The following MYH11 variants were observed in gnomAD, a reference collection of about 807,000 sequenced individuals.
MYH11 encodes myosin-11.
Under a neutral mutation model 246.6 loss-of-function variants are expected in MYH11, and 80 were observed. That is an observed-to-expected ratio of 0.32 (90% CI 0.27 to 0.39). The LOEUF is 0.39. MYH11 is among the 10% of genes least tolerant of loss of function. The probability of loss-of-function intolerance (pLI) is 1.00; values close to 1 mark genes in which losing one functional copy is unlikely to be tolerated. For synonymous variants in MYH11, 1,071 were observed against 1,015.5 expected (o/e 1.05, Z -1.04); for missense variants, 2,158 against 2,546.8 (o/e 0.85, Z 3.29).
chr16:15,853,895 G>T (rs776673106), intron 1 of MYH11, among the ~76,000 whole-genome samples: 83 of 152,038 alleles, frequency 5.5e-4, no homozygotes, highest in Non-Finnish European at 1.0e-3. Flanking sequence ...ATGGTGGTGG[G>T]CGCCTATAAA....
chr16:15,740,052 T>C lies in MYH11; in HGVS notation c.2996A>G (p.Lys999Arg), dbSNP rs894429587. Residue 999 changes from lysine to arginine, a missense_variant and splice_region_variant, in exon 23 of 41, where the codon AAA (lysine) becomes AGA (arginine). By Grantham distance (26) the Lys-to-Arg change is conservative. Around this residue, in one of 11 missense-constraint regions of MYH11, gnomAD observed 284 missense variants for 315.4 expected, o/e 0.90. Transcript: ENST00000300036. Reference protein sequence around the residue: ...VMDDQNNKLSKERKLLEERIS... With the variant: ...VMDDQNNKLSRERKLLEERIS... The stretch of plus-strand genomic sequence containing the variant: ...CCACTGCACCCGGCCCCTACTCACT[T>C]TTGATAGTTTATTGTTCTGATCATC... 1.9e-6 allele frequency: 3 copies of C among 1,613,910 alleles called. No homozygotes were observed. Among genetic ancestry groups the C allele is most frequent in the Non-Finnish European group, 1.7e-6 (2 of 1,179,898 alleles).
At chr16:15,791,509 A>G (rs1023975180) in intron 4 of MYH11, 1 of 152,220 alleles carries the variant, frequency 6.6e-6, no homozygotes, top group South Asian at 2.1e-4. Context: ...TATAGCATCA[A>G]TTGGCAGAAT....
intron 36 of MYH11, chr16:15,718,774 CCT>C (rs1045361907): frequency 3.8e-5 from 17 of 445,810 alleles, no homozygotes; most frequent in African/African-American, 3.4e-4. Context: ...TGACGGAAAA[CCT>C]AACCACCATG....
intron 4 of MYH11, among the ~76,000 whole-genome samples, chr16:15,797,858 CT>C (rs2042782193): frequency 6.6e-6 from 1 of 151,902 alleles, no homozygotes. Context: ...TTAGTGCCAC[CT>C]TTTTTTGTAT....
At chr16:15,753,760 C>A (rs1343678317) in intron 14 of MYH11, among the ~76,000 whole-genome samples, 3 of 152,168 alleles carry the variant, frequency 2.0e-5, no homozygotes, top group African/African-American at 7.2e-5. Context: ...TCCATATTCT[C>A]CTACTAACGC....
chr16:15,747,521 T>C (rs1013121753), intron 19 of MYH11, 49 bp downstream of exon 19: 2 of 1,611,830 alleles, frequency 1.2e-6, no homozygotes, highest in South Asian at 1.1e-5. Flanking sequence ...GAAAGGCCCC[T>C]GTTTGTGATT....
At position 15,760,678 on chromosome 16, in the gene MYH11, A is replaced by G. The variant is rs2041848189; in HGVS notation, c.1130-20T>C. On this transcript the variant is annotated intron_variant, in intron 10 of 40. Coordinates refer to ENST00000300036, the MANE Select transcript of MYH11 (RefSeq NM_002474.3). ...GAGCAGCTGGATGGAGAAAAGAAAC[A>G]TCGTGAGTGCATCACAAAAGAAATA... is the stretch of plus-strand genomic sequence containing the variant. The G allele has an allele frequency of 6.8e-7, 1 of 1,466,414 alleles. No homozygotes were observed. 90.8% of individuals were successfully genotyped at this position (1,466,414 alleles called of 1,614,324 possible). A position where few individuals can be genotyped will look rare whatever the true frequency, so the allele number is the denominator to read the frequency against.
chr16:15,794,733 C>T, intron 4 of MYH11, among the ~76,000 whole-genome samples: 1 of 152,070 alleles, frequency 6.6e-6, no homozygotes, highest in African/African-American at 2.4e-5. Context: ...TACAAGAGAG[C>T]CCTGTGGGAA....
At chr16:15,803,012 C>T (rs1306071687) in intron 3 of MYH11, among the ~76,000 whole-genome samples, 1 of 151,882 alleles carries the variant, frequency 6.6e-6, no homozygotes, top group Non-Finnish European at 1.5e-5. Context: ...CGGCAGGCAC[C>T]TGTAGTCCCA....
chr16:15,731,328 C>A (rs986006028), intron 27 of MYH11, among the ~76,000 whole-genome samples: 2 of 152,118 alleles, frequency 1.3e-5, no homozygotes, highest in African/African-American at 4.8e-5. Context: ...CAAATCATGG[C>A]TCTGTCACTT....
rs751709306 is a variant in MYH11 at position 15,726,869 on chromosome 16, A to C, written c.3837T>G (p.Asn1279Lys). Residue 1279 changes from asparagine (N) to lysine (K), a missense_variant, in exon 28 of 41, where the codon AAT becomes AAG. By Grantham distance (94) the Asn-to-Lys change is moderately conservative (BLOSUM62 0). Around this residue, in one of 11 missense-constraint regions of MYH11, gnomAD observed 1,013 missense variants for 993.5 expected, o/e 1.02. Transcript: ENST00000300036. ...TCACCTGCAGCTTGTGGACTTTGTC[A>C]TTGAGCTCCGCCCGGGCCCGCTCCC... ...SDGERARAEL[N>K]DKVHKLQNEV... 1 of 1,612,116 alleles carries C rather than the reference A, an allele frequency of 6.2e-7. No homozygotes were observed. The highest frequency in any genetic ancestry group is 8.5e-7 in the Non-Finnish European group (1 of 1,179,982).
chr16:15,720,296 G>A lies in MYH11; in HGVS notation c.4808C>T (p.Thr1603Met), dbSNP rs376105806. Residue 1603 changes from threonine (T) to methionine (M), a missense_variant, in exon 34 of 41, where the codon ACG becomes ATG. Physicochemically the swap from Thr to Met is moderately conservative, Grantham distance 81. This residue lies in a region of MYH11 where 1,013 missense variants were observed against 993.5 expected (regional missense o/e 1.02). Coordinates refer to ENST00000300036, the MANE Select transcript of MYH11 (RefSeq NM_002474.3). ...QLQRQLHEYETELEDERKQRA... is the reference protein window; with the variant it reads ...QLQRQLHEYEMELEDERKQRA... ...TTGCTTTCGCTCGTCTTCCAGTTCCGTCTCATACTCGTGAAGCTGGGCGAG... is the reference window on the plus strand; with the variant it reads ...TTGCTTTCGCTCGTCTTCCAGTTCCATCTCATACTCGTGAAGCTGGGCGAG... 22 of 1,613,992 alleles carry A rather than the reference G, an allele frequency of 1.4e-5. No individual in the cohort carries two copies. Among genetic ancestry groups the A allele is most frequent in the South Asian group, 3.3e-5 (3 of 91,068 alleles).
At chr16:15,812,894 C>T (rs565000729) in intron 3 of MYH11, among the ~76,000 whole-genome samples, 14 of 146,020 alleles carry the variant, frequency 9.6e-5, no homozygotes, top group Non-Finnish European at 6.0e-5. Context: ...AGACTGGGCA[C>T]GGTGGCTCAT....
chr16:15,748,140 A>G lies in MYH11; in HGVS notation c.2087T>C (p.Leu696Pro). ...RSGKLDAFLV[L>P]EQLRCNGVLE... ...CACCCCATTGCACCGCAGCTGCTCCAGCACCAGGAACGCATCCAGCTTGCC... is the reference window on the plus strand; with the variant it reads ...CACCCCATTGCACCGCAGCTGCTCCGGCACCAGGAACGCATCCAGCTTGCC... The change falls in exon 17 of 41, where the codon CTG (leucine) becomes CCG (proline). Residue 696 changes from leucine (L) to proline (P), a missense_variant. Transcript: ENST00000300036. The G allele has an allele frequency of 6.2e-7, 1 of 1,614,072 alleles. No homozygotes were observed. Among genetic ancestry groups the G allele is most frequent in the Non-Finnish European group, 8.5e-7 (1 of 1,180,040 alleles).
rs562249787 is a variant in MYH11, at chr16:15,782,442, C to T, written c.669G>A (p.Pro223=). Residue 223 remains proline, a synonymous_variant, in exon 6 of 41, where the codon CCG becomes CCA. Coordinates refer to ENST00000300036, the MANE Select transcript of MYH11 (RefSeq NM_002474.3). ...ELEKQLLQAN[P]ILEAFGNAKT... ...TGGCGTTGCCGAAAGCCTCCAGAAT[C>T]GGGTTTGCTTGTAGAAGCTGCTTTT... 4.7e-5 allele frequency: 76 copies of T among 1,614,142 alleles called. 2 individuals carry two copies. In the South Asian group the frequency reaches 5.5e-4, roughly 12 times the overall value.
chr16:15,853,327 T>C (rs1157501995), intron 1 of MYH11, among the ~76,000 whole-genome samples: 1 of 151,802 alleles, frequency 6.6e-6, no homozygotes, highest in African/African-American at 2.4e-5. Context: ...TTTTAAAAAT[T>C]TTTTTGTAGA....
At chr16:15,722,789 G>A (rs2040553435) in intron 31 of MYH11, among the ~76,000 whole-genome samples, 1 of 152,170 alleles carries the variant, frequency 6.6e-6, no homozygotes, top group African/African-American at 2.4e-5. Flanking sequence ...CACTCAGGCT[G>A]GGGTGTAGTG....
chr16:15,794,654 G>A (rs2042701174), intron 4 of MYH11, among the ~76,000 whole-genome samples: 1 of 152,232 alleles, frequency 6.6e-6, no homozygotes, highest in African/African-American at 2.4e-5. Flanking sequence ...TGACTGAGAA[G>A]ATCGAGGGGA....
intron 3 of MYH11, among the ~76,000 whole-genome samples, chr16:15,810,816 A>T (rs2043121556): frequency 6.6e-6 from 1 of 152,234 alleles, no homozygotes; most frequent in South Asian, 2.1e-4. Flanking sequence ...TTTTACCCAC[A>T]GCACATTTAA....
Sources: allele counts gnomAD v4.1 joint callset (sites outside exome capture counted in the v4.1 genomes callset), GRCh38; gene constraint gnomAD v4.1.1; regional missense constraint gnomAD v4.1.1; transcripts MANE v1.5; gene names NCBI Gene and HGNC (gene_info 2026-07-23, HGNC 2026-07-21).